Variants in FRMD6 observed in about 807,000 individuals in gnomAD.
The protein encoded by FRMD6 is FERM domain containing 6.
In FRMD6, 37 loss-of-function variants were observed where a neutral mutation model predicts 73.2. That is an observed-to-expected ratio of 0.51 (90% CI 0.39 to 0.66). The LOEUF is 0.66. Among genes scored for constraint, FRMD6 ranks in the 30% least tolerant of loss-of-function variants. The probability of loss-of-function intolerance (pLI) is 0.00; values close to 1 mark genes in which losing one functional copy is unlikely to be tolerated. For missense variants in FRMD6, 714 were observed against 780.5 expected (o/e 0.91, Z 1.02); for synonymous variants, 273 against 282.2 (o/e 0.97, Z 0.33).
intron 13 of FRMD6, among the ~76,000 whole-genome samples, chr14:51,727,113 C>T (rs921103098): frequency 6.6e-6 from 1 of 152,130 alleles, no homozygotes; most frequent in African/African-American, 2.4e-5. Flanking sequence ...GTCCTGGTGC[C>T]TGCCTCCCAG....
chr14:51,637,325 G>A (rs952557016), intron 2 of FRMD6: 1 of 152,100 alleles, frequency 6.6e-6, no homozygotes, highest in African/African-American at 2.4e-5. Context: ...GAAACATTTT[G>A]AATAAAAACC....
the FRMD6 span, among the ~76,000 whole-genome samples, chr14:51,402,917 C>T: frequency 6.6e-6 from 1 of 152,026 alleles, no homozygotes; most frequent in East Asian, 1.9e-4. Flanking sequence ...GGATTACAGG[C>T]GTGAGCCACC....
At chr14:51,472,351 T>G in the FRMD6 span, among the ~76,000 whole-genome samples, 1 of 152,176 alleles carries the variant, frequency 6.6e-6, no homozygotes, top group Non-Finnish European at 1.5e-5. Flanking sequence ...TCGCCCAGGC[T>G]GGAGTGCAGT....
chr14:51,559,092 G>C (rs530052177), intron 1 of FRMD6, among the ~76,000 whole-genome samples: 1 of 152,278 alleles, frequency 6.6e-6, no homozygotes, highest in Middle Eastern at 3.4e-3. Flanking sequence ...TAGTTTAACT[G>C]TCCTAGATAA....
chr14:51,485,775 G>A (rs1882749242), upstream of FRMD6, among the ~76,000 whole-genome samples: 1 of 152,160 alleles, frequency 6.6e-6, no homozygotes, highest in African/African-American at 2.4e-5. Flanking sequence ...CTGGATATAT[G>A]TCTTCATATT....
chr14:51,419,633 G>A, the FRMD6 span, among the ~76,000 whole-genome samples: 2 of 152,206 alleles, frequency 1.3e-5, no homozygotes, highest in Non-Finnish European at 2.9e-5. Context: ...GGCTTAATGA[G>A]TTTGGGGTCC....
upstream of FRMD6, among the ~76,000 whole-genome samples, chr14:51,485,442 T>A (rs940773385): frequency 1.3e-5 from 2 of 152,228 alleles, no homozygotes; most frequent in Non-Finnish European, 2.9e-5. Flanking sequence ...CAAGTGGACA[T>A]GACCTTTGAG....
chr14:51,583,064 T>TG (rs1370845734), intron 2 of FRMD6, among the ~76,000 whole-genome samples: 1 of 152,200 alleles, frequency 6.6e-6, no homozygotes, highest in Non-Finnish European at 1.5e-5. Context: ...TATTATGTAT[T>TG]GAATTATATA....
chr14:51,442,008 G>T, the FRMD6 span, among the ~76,000 whole-genome samples: 1 of 152,174 alleles, frequency 6.6e-6, no homozygotes, highest in Non-Finnish European at 1.5e-5. Context: ...TTACAGGCTT[G>T]TTATCATCCG....
upstream of FRMD6, among the ~76,000 whole-genome samples, chr14:51,647,593 A>C (rs1164789469): frequency 6.6e-6 from 1 of 152,150 alleles, no homozygotes; most frequent in Non-Finnish European, 1.5e-5. Flanking sequence ...TTGTTTGTTT[A>C]AAGTACTTTT....
At chr14:51,557,019 G>GT (rs1887172716) in intron 1 of FRMD6, among the ~76,000 whole-genome samples, 2 of 152,154 alleles carry the variant, frequency 1.3e-5, no homozygotes, top group Non-Finnish European at 1.5e-5. Context: ...GGGCATGGTG[G>GT]TATGTGCCTA....
chr14:51,567,298 G>T (rs1411602722), intron 1 of FRMD6, among the ~76,000 whole-genome samples: 2 of 152,126 alleles, frequency 1.3e-5, no homozygotes, highest in Non-Finnish European at 2.9e-5. Context: ...TGACCCTCTG[G>T]TTACCAGTAT....
chr14:51,692,355 T>C (rs563402492), intron 2 of FRMD6, among the ~76,000 whole-genome samples: 191 of 152,374 alleles, frequency 1.3e-3, no homozygotes, highest in Admixed American at 4.6e-3. Context: ...TGTTTTACTT[T>C]TTATACAGTT....
chr14:51,727,620 T>C (rs1026525315), intron 13 of FRMD6, 125 bp from the exon 14 acceptor site: 1 of 903,718 alleles, frequency 1.1e-6, no homozygotes, highest in Non-Finnish European at 1.7e-6. Context: ...AAACCACAGA[T>C]TGGAAACCAC....
At chr14:51,550,579 G>GAC (rs1555374768) in intron 1 of FRMD6, among the ~76,000 whole-genome samples, 1 of 64,952 alleles carries the variant, frequency 1.5e-5, no homozygotes, top group Admixed American at 1.6e-4. Context: ...CTTGGGAGGA[G>GAC]ACCCCCCCGC....
At chr14:51,409,147 G>C in the FRMD6 span, among the ~76,000 whole-genome samples, 1 of 152,054 alleles carries the variant, frequency 6.6e-6, no homozygotes, top group African/African-American at 2.4e-5. Context: ...TGAACCTCTT[G>C]TAAGCATTCA....
chr14:51,424,922 A>G, the FRMD6 span, among the ~76,000 whole-genome samples: 1 of 152,196 alleles, frequency 6.6e-6, no homozygotes, highest in East Asian at 1.9e-4. Flanking sequence ...TGCTCTAGTC[A>G]CTCACAAGAG....
At chr14:51,413,044 G>A in the FRMD6 span, among the ~76,000 whole-genome samples, 2 of 146,904 alleles carry the variant, frequency 1.4e-5, no homozygotes, top group Non-Finnish European at 3.0e-5. Context: ...AGGCTGGAGC[G>A]CAGTGGCGTG....
At chr14:51,675,867 A>C (rs1000109824) in intron 1 of FRMD6, among the ~76,000 whole-genome samples, 3 of 152,018 alleles carry the variant, frequency 2.0e-5, no homozygotes, top group African/African-American at 7.2e-5. Flanking sequence ...TATCCCCATA[A>C]TTTATGTAGG....
Sources: gnomAD v4.1 joint callset for allele counts (sites outside exome capture counted in the v4.1 genomes callset) on GRCh38, gnomAD v4.1.1 for gene constraint, MANE v1.5 for transcripts, NCBI Gene and HGNC (gene_info 2026-07-23, HGNC 2026-07-21) for gene names.